THSD7B: variants seen among roughly 807,000 people sequenced by gnomAD.
THSD7B encodes the protein thrombospondin type 1 domain containing 7B, also known as thrombospondin type-1 domain-containing protein 7B.
In THSD7B, 138 loss-of-function variants were observed where a neutral mutation model predicts 213.6. The observed-to-expected ratio is 0.65, with a 90% confidence interval of 0.56 to 0.74. THSD7B has a LOEUF of 0.74. THSD7B is among the 30% of genes least tolerant of loss of function. The pLI is 0.00. For missense variants in THSD7B, 1,931 were observed against 1,991.5 expected (o/e 0.97, Z 0.58); for synonymous variants, 742 against 687.0 (o/e 1.08, Z -1.25).
chr2:136,981,305 T>A (rs1464144913), intron 2 of THSD7B, among the ~76,000 whole-genome samples: 1 of 152,130 alleles, frequency 6.6e-6, no homozygotes, highest in East Asian at 1.9e-4. Context: ...CAGTACAGTG[T>A]GCTGAGATGA....
intron 17 of THSD7B, among the ~76,000 whole-genome samples, chr2:137,598,636 A>C (rs921684138): frequency 2.0e-5 from 3 of 152,212 alleles, no homozygotes; most frequent in African/African-American, 7.2e-5. Context: ...TGAATAATGT[A>C]AATGTGCATC....
At chr2:137,515,484 G>T (rs1680050619) in intron 15 of THSD7B, among the ~76,000 whole-genome samples, 1 of 152,144 alleles carries the variant, frequency 6.6e-6, no homozygotes, top group Non-Finnish European at 1.5e-5. Flanking sequence ...TCCTACAGGT[G>T]AGGTTCAGAG....
At chr2:137,593,891 C>T (rs1289720216) in intron 17 of THSD7B, among the ~76,000 whole-genome samples, 1 of 151,738 alleles carries the variant, frequency 6.6e-6, no homozygotes, top group Non-Finnish European at 1.5e-5. Context: ...TCTAAAAGTT[C>T]TATGAGTTGA....
At chr2:137,171,786 A>G (rs1680258068) in intron 7 of THSD7B, among the ~76,000 whole-genome samples, 1 of 152,190 alleles carries the variant, frequency 6.6e-6, no homozygotes, top group Non-Finnish European at 1.5e-5. Context: ...GTTGATATAT[A>G]TTGCAAAGCT....
At chr2:137,659,400 A>G (rs1178428626) in intron 24 of THSD7B, among the ~76,000 whole-genome samples, 1 of 152,214 alleles carries the variant, frequency 6.6e-6, no homozygotes, top group Non-Finnish European at 1.5e-5. Flanking sequence ...TTTGTGCTCA[A>G]GCATAGCCGT....
chr2:137,559,285 G>C (rs1355427767), intron 15 of THSD7B, among the ~76,000 whole-genome samples: 1 of 152,122 alleles, frequency 6.6e-6, no homozygotes, highest in African/African-American at 2.4e-5. Context: ...AACAAAGCTG[G>C]AGGCATCACG....
intron 15 of THSD7B, among the ~76,000 whole-genome samples, chr2:137,514,675 T>G (rs983459285): frequency 1.3e-5 from 2 of 152,166 alleles, no homozygotes; most frequent in African/African-American, 4.8e-5. Flanking sequence ...GTTGGCTGCT[T>G]AATATGATGA....
chr2:137,621,448 C>G (rs1682518435), intron 20 of THSD7B, among the ~76,000 whole-genome samples: 1 of 152,166 alleles, frequency 6.6e-6, no homozygotes, highest in African/African-American at 2.4e-5. Flanking sequence ...GAAATCATTA[C>G]TACACGATCC....
At chr2:137,448,770 G>GCCTGGGCGACAGAGCGAGACTCC (rs1687592022) in intron 14 of THSD7B, among the ~76,000 whole-genome samples, 1 of 151,828 alleles carries the variant, frequency 6.6e-6, no homozygotes, top group African/African-American at 2.4e-5. Context: ...CTGCACTCCA[G>GCCTGGGCGACAGAGCGAGACTCC]CCTGGGCGAC....
At chr2:136,954,905 T>A (rs1012841225) in intron 2 of THSD7B, among the ~76,000 whole-genome samples, 1 of 152,154 alleles carries the variant, frequency 6.6e-6, no homozygotes, top group African/African-American at 2.4e-5. Flanking sequence ...CTATTTTTTT[T>A]ACTGAGCATT....
intron 7 of THSD7B, among the ~76,000 whole-genome samples, chr2:137,225,965 A>G (rs553563048): frequency 6.6e-6 from 1 of 151,902 alleles, no homozygotes; most frequent in South Asian, 2.1e-4. Context: ...TAGGGTCTCA[A>G]TCCAGAAGTG....
intron 7 of THSD7B, among the ~76,000 whole-genome samples, chr2:137,187,677 A>C (rs1180076052): frequency 6.6e-6 from 1 of 152,162 alleles, no homozygotes; most frequent in Non-Finnish European, 1.5e-5. Flanking sequence ...GAATCCTGAG[A>C]AAGGGAGTTA....
chr2:137,227,260 G>A (rs1201007985), intron 7 of THSD7B, among the ~76,000 whole-genome samples: 2 of 152,110 alleles, frequency 1.3e-5, no homozygotes, highest in African/African-American at 2.4e-5. Context: ...AAAGCAGAAC[G>A]ATTTTCCATT....
chr2:137,393,806 A>G lies in THSD7B; in HGVS notation c.2501-11807A>G, dbSNP rs540607236. Among the ~76,000 whole-genome samples the G allele has an allele frequency of 2.1e-5, 3 of 141,470 alleles. No homozygotes were observed. The South Asian group carries it at 7.1e-4, about 34-fold the overall frequency. The allele number at this position is 141,470 out of a possible 152,430, so 92.8% of individuals were successfully genotyped here. A position where few individuals can be genotyped will look rare whatever the true frequency, so the allele number is the denominator to read the frequency against. ...TGTAAAAGTGTTCCCATTTCTCCAC[A>G]TCCTCTCCAGCACCTGTTGTTTCCT... On this transcript the variant is annotated intron_variant, in intron 12 of 27. Coordinates refer to ENST00000409968, the MANE Select transcript of THSD7B (RefSeq NM_001316349.2).
chr2:137,590,171 G>A (rs926239768), intron 17 of THSD7B, among the ~76,000 whole-genome samples: 8 of 152,154 alleles, frequency 5.3e-5, no homozygotes, highest in Non-Finnish European at 5.9e-5. Flanking sequence ...CCTGGGAAGA[G>A]CTAGATCACT....
intron 12 of THSD7B, among the ~76,000 whole-genome samples, chr2:137,379,272 A>G (rs1685724145): frequency 6.6e-6 from 1 of 152,310 alleles, no homozygotes; most frequent in African/African-American, 2.4e-5. Flanking sequence ...ATGCAAAATA[A>G]GTTGTATCTT....
At chr2:137,673,566 T>C (rs1683627287) in intron 27 of THSD7B, among the ~76,000 whole-genome samples, 1 of 152,120 alleles carries the variant, frequency 6.6e-6, no homozygotes, top group African/African-American at 2.4e-5. Flanking sequence ...GAAATAAACT[T>C]ACTTCTAAAG....
chr2:137,206,782 G>A (rs866714319), intron 7 of THSD7B, among the ~76,000 whole-genome samples: 1 of 152,022 alleles, frequency 6.6e-6, no homozygotes, highest in East Asian at 1.9e-4. Flanking sequence ...ATTCACAGAC[G>A]CATCGTTTGC....
intron 3 of THSD7B, among the ~76,000 whole-genome samples, chr2:137,075,782 G>A (rs1012096318): frequency 1.3e-5 from 2 of 152,150 alleles, no homozygotes; most frequent in African/African-American, 2.4e-5. Flanking sequence ...TGTCCTTTCT[G>A]TGTGTTAGTT....
Sources: gnomAD v4.1 joint callset for allele counts (sites outside exome capture counted in the v4.1 genomes callset) on GRCh38, gnomAD v4.1.1 for gene constraint, MANE v1.5 for transcripts, NCBI Gene and HGNC (gene_info 2026-07-23, HGNC 2026-07-21) for gene names.